CIMIP4: variants seen among roughly 807,000 people sequenced by gnomAD.
The protein encoded by CIMIP4 is ciliary microtubule inner protein 4.
At chr22:36,993,689 A>G in the CIMIP4 span, among the ~76,000 whole-genome samples, 1 of 152,018 alleles carries the variant, frequency 6.6e-6, no homozygotes, top group East Asian at 1.9e-4. Flanking sequence ...AGAGCGCGCC[A>G]CTGCACTCCA....
At chr22:37,003,825 T>A in the CIMIP4 span, 1 of 742,002 alleles carries the variant, frequency 1.3e-6, no homozygotes. Context: ...AATGCCCCCC[T>A]AGGAAGCCTG....
the CIMIP4 span, chr22:36,999,835 T>C: frequency 3.7e-6 from 6 of 1,611,582 alleles, no homozygotes; most frequent in East Asian, 1.1e-4. Flanking sequence ...GCCCTTTGAC[T>C]TGACCTCGAA....
chr22:36,999,237 A>G, the CIMIP4 span, among the ~76,000 whole-genome samples: 1 of 150,092 alleles, frequency 6.7e-6, no homozygotes, highest in Non-Finnish European at 1.5e-5. Flanking sequence ...TGGGTGAATC[A>G]CTTGAGCCCA....
the CIMIP4 span, among the ~76,000 whole-genome samples, chr22:36,995,594 C>T: frequency 0.2 from 30,741 of 152,152 alleles, 3,466 homozygotes; most frequent in East Asian, 0.53. Flanking sequence ...TGAAGTTCAC[C>T]AAACTCTCAG....
the CIMIP4 span, among the ~76,000 whole-genome samples, chr22:37,001,057 T>C: frequency 2.0e-5 from 3 of 152,028 alleles, no homozygotes; most frequent in Non-Finnish European, 4.4e-5. Context: ...GCTATGAGGG[T>C]TGAGATGGTG....
At chr22:36,991,966 G>A in the CIMIP4 span, among the ~76,000 whole-genome samples, 3 of 152,140 alleles carry the variant, frequency 2.0e-5, no homozygotes, top group African/African-American at 4.8e-5. Flanking sequence ...AAGCAGATAC[G>A]TTGCAATGAT....
chr22:37,005,490 G>A, the CIMIP4 span, among the ~76,000 whole-genome samples: 8 of 151,918 alleles, frequency 5.3e-5, no homozygotes, highest in African/African-American at 1.2e-4. Context: ...GGAACCAAGC[G>A]GTGGTCAGAG....
the CIMIP4 span, chr22:36,991,698 C>T: frequency 6.3e-6 from 6 of 955,434 alleles, no homozygotes; most frequent in South Asian, 1.4e-5. Context: ...AATTGTGGAA[C>T]GGAAGGAGAG....
chr22:36,995,945 T>G, the CIMIP4 span, among the ~76,000 whole-genome samples: 1 of 152,174 alleles, frequency 6.6e-6, no homozygotes, highest in Non-Finnish European at 1.5e-5. Flanking sequence ...TGCCTGTTTT[T>G]CCTGCTTATA....
chr22:36,993,776 C>T, the CIMIP4 span, among the ~76,000 whole-genome samples: 4 of 151,616 alleles, frequency 2.6e-5, no homozygotes, highest in African/African-American at 9.7e-5. Context: ...AAATAGAAAA[C>T]GAAAAATAAG....
At chr22:36,999,720 C>A in the CIMIP4 span, 1 of 1,324,034 alleles carries the variant, frequency 7.6e-7, no homozygotes, top group East Asian at 2.4e-5. Context: ...AATAAGTGTC[C>A]TTGAAGATGT....
the CIMIP4 span, among the ~76,000 whole-genome samples, chr22:37,002,506 A>T: frequency 6.6e-6 from 1 of 152,018 alleles, no homozygotes; most frequent in Non-Finnish European, 1.5e-5. Context: ...ATTAGGAGAC[A>T]CAATGGGAGA....
the CIMIP4 span, among the ~76,000 whole-genome samples, chr22:36,996,786 G>T: frequency 6.6e-6 from 1 of 152,180 alleles, no homozygotes; most frequent in Non-Finnish European, 1.5e-5. Flanking sequence ...CAGATATCAG[G>T]CTACTTATAA....
the CIMIP4 span, chr22:36,999,973 A>G: frequency 6.2e-7 from 1 of 1,611,590 alleles, no homozygotes; most frequent in East Asian, 2.2e-5. Context: ...CTTCATCAAT[A>G]GCCTTTTGAG....
At chr22:36,992,418 CAA>C in the CIMIP4 span, among the ~76,000 whole-genome samples, 1 of 151,932 alleles carries the variant, frequency 6.6e-6, no homozygotes, top group South Asian at 2.1e-4. Context: ...AAAATATAAG[CAA>C]AGAGTAAGAA....
chr22:36,994,957 G>C, the CIMIP4 span, among the ~76,000 whole-genome samples: 1 of 152,128 alleles, frequency 6.6e-6, no homozygotes, highest in Non-Finnish European at 1.5e-5. Context: ...AGCACACACA[G>C]ATCATCTACA....
At chr22:37,003,882 A>G in the CIMIP4 span, 2 of 1,411,142 alleles carry the variant, frequency 1.4e-6, no homozygotes, top group East Asian at 2.7e-5. Context: ...GCGGGAGGAG[A>G]AAGGGCCGGT....
chr22:37,002,025 A>C, the CIMIP4 span: 13 of 1,611,898 alleles, frequency 8.1e-6, no homozygotes, highest in Admixed American at 2.2e-4. Context: ...TCTCTCGAGG[A>C]GGATCGAGAG....
the CIMIP4 span, chr22:36,991,722 A>C: frequency 4.0e-6 from 3 of 757,884 alleles, no homozygotes; most frequent in African/African-American, 5.2e-5. Context: ...GAAGGGTTTC[A>C]AAGTAAAGTC....
Sources: gnomAD v4.1 joint callset for allele counts (sites outside exome capture counted in the v4.1 genomes callset) on GRCh38, gnomAD v4.1.1 for gene constraint, MANE v1.5 for transcripts, NCBI Gene and HGNC (gene_info 2026-07-23, HGNC 2026-07-21) for gene names.